The following GNB4 variants were observed in gnomAD, a reference collection of about 807,000 sequenced individuals.
GNB4 encodes the protein guanine nucleotide-binding protein subunit beta-4.
In GNB4, 28 loss-of-function variants were observed where a neutral mutation model predicts 45.2. The observed-to-expected ratio is 0.62, with a 90% CI of 0.46 to 0.85. GNB4 has a LOEUF of 0.85. Among genes scored for constraint, GNB4 ranks in the 40% least tolerant of loss-of-function variants. The pLI is 0.00. For missense variants in GNB4, 321 were observed against 425.4 expected (o/e 0.75, Z 2.16); for synonymous variants, 132 against 143.7 (o/e 0.92, Z 0.58).
chr3:179,489,046 A>ATATATATAT, the GNB4 span, among the ~76,000 whole-genome samples: 19 of 38,726 alleles, frequency 4.9e-4, 1 homozygote, highest in African/African-American at 1.7e-3. Flanking sequence ...ATATATATAT[A>ATATATATAT]ATATATATGT....
At chr3:179,422,505 T>C (rs1460512888) in intron 2 of GNB4, among the ~76,000 whole-genome samples, 2 of 149,858 alleles carry the variant, frequency 1.3e-5, no homozygotes, top group Non-Finnish European at 3.0e-5. Context: ...GAACAGAATA[T>C]AAAAAATATT....
rs1363653157 is a variant in GNB4, at chr3:179,398,782, G to A, written c.*2431C>T. On this transcript the variant is annotated 3_prime_UTR_variant, in exon 10 of 10. Transcript: ENST00000232564. ...AAGGTGTAACCATGAAGTAATTGTG[G>A]TAGTGAGGCTACTCTGTCGCCATTT... 1 of 152,186 alleles carries A rather than the reference G, an allele frequency of 6.6e-6. No homozygotes were observed. The highest frequency in any genetic ancestry group is 2.1e-4 in the South Asian group (1 of 4,828). 9.4% of individuals were successfully genotyped at this position (152,186 alleles called of 1,614,324 possible).
At chr3:179,444,176 T>A (rs549341899) in intron 1 of GNB4, among the ~76,000 whole-genome samples, 2 of 152,162 alleles carry the variant, frequency 1.3e-5, no homozygotes, top group African/African-American at 4.8e-5. Flanking sequence ...TACTAACCTA[T>A]CTCTATTTTC....
In GNB4 at chr3:179,405,641, A is replaced by G. The variant is rs76492501; in HGVS notation, c.700-235T>C. On this transcript the variant is annotated intron_variant, in intron 8 of 9. Transcript: ENST00000232564. ...ACAGCCCATTGTTCAGAACACAGCA[A>G]GTATTCAACAAATACTGGCTCTGGT... The G allele has an allele frequency of 5.7e-3, 2,362 of 415,926 alleles. 45 individuals are homozygous for G. The highest frequency in any genetic ancestry group is 0.043 in the African/African-American group (2,165 of 50,346). 25.8% of individuals were successfully genotyped at this position (415,926 alleles called of 1,614,324 possible).
the GNB4 span, among the ~76,000 whole-genome samples, chr3:179,501,668 A>T: frequency 3.2e-3 from 480 of 152,214 alleles, 2 homozygotes; most frequent in African/African-American, 0.011. Flanking sequence ...TTAAGGGGCA[A>T]CTGAAATTTA....
At chr3:179,415,426 C>T (rs916580501) in intron 5 of GNB4, among the ~76,000 whole-genome samples, 1 of 152,188 alleles carries the variant, frequency 6.6e-6, no homozygotes, top group Non-Finnish European at 1.5e-5. Flanking sequence ...TTTCCTCCAA[C>T]ATAACTCTGA....
At chr3:179,448,711 T>C (rs1715798957) in intron 1 of GNB4, among the ~76,000 whole-genome samples, 1 of 152,214 alleles carries the variant, frequency 6.6e-6, no homozygotes, top group Non-Finnish European at 1.5e-5. Context: ...AGGTAACTAA[T>C]TAGTTTCTGG....
At chr3:179,429,741 G>A (rs1405002478) in intron 1 of GNB4, among the ~76,000 whole-genome samples, 1 of 152,156 alleles carries the variant, frequency 6.6e-6, no homozygotes, top group East Asian at 1.9e-4. Flanking sequence ...AACATTGATT[G>A]AGAAAGTCAA....
At chr3:179,489,088 A>G in the GNB4 span, among the ~76,000 whole-genome samples, 7 of 136,634 alleles carry the variant, frequency 5.1e-5, no homozygotes, top group Non-Finnish European at 6.2e-5. Flanking sequence ...TTAATTTGAA[A>G]TTATTTATTT....
At chr3:179,488,984 C>CA in the GNB4 span, among the ~76,000 whole-genome samples, 10 of 18,698 alleles carry the variant, frequency 5.3e-4, 1 homozygote, top group Admixed American at 1.2e-3. Context: ...ATCCTGTATC[C>CA]AAAAAAAAAA....
chr3:179,474,737 C>CTTTTTTTTTTTTTTTTTTTTTT, the GNB4 span, among the ~76,000 whole-genome samples: 8 of 59,726 alleles, frequency 1.3e-4, no homozygotes, highest in Admixed American at 2.7e-4. Context: ...AGACTGGGTC[C>CTTTTTTTTTTTTTTTTTTTTTT]TTTTTTTTTT....
At chr3:179,516,088 T>C in the GNB4 span, among the ~76,000 whole-genome samples, 1 of 152,160 alleles carries the variant, frequency 6.6e-6, no homozygotes, top group African/African-American at 2.4e-5. Context: ...TCAGTGCAAT[T>C]ACTTGCTTGA....
In GNB4 at chr3:179,413,663, TCCTGCTACCAC is replaced by T. The variant is rs756637757; in HGVS notation, c.497+41_497+51del. 136 of 1,611,188 alleles carry T rather than the reference TCCTGCTACCAC, an allele frequency of 8.4e-5. No homozygotes were observed. The South Asian group carries it at 1.4e-3, about 17-fold the overall frequency. On this transcript the variant is annotated intron_variant, in intron 7 of 9. Coordinates refer to ENST00000232564, the MANE Select transcript of GNB4 (RefSeq NM_021629.4). The stretch of plus-strand genomic sequence containing the variant: ...GACAATTACTTCTTCTTATGTCAGT[TCCTGCTACCAC>T]CCTCAAACCCATAATCAGTGTGCTT...
At chr3:179,496,931 T>C in the GNB4 span, among the ~76,000 whole-genome samples, 2 of 152,136 alleles carry the variant, frequency 1.3e-5, no homozygotes, top group Non-Finnish European at 2.9e-5. Context: ...CATTCTATCA[T>C]ATGATAGAAA....
At chr3:179,423,981 G>A (rs972659537) in intron 2 of GNB4, among the ~76,000 whole-genome samples, 6 of 151,810 alleles carry the variant, frequency 4.0e-5, no homozygotes, top group Non-Finnish European at 5.9e-5. Flanking sequence ...AGCACAAGTC[G>A]CAGGAAAGGA....
chr3:179,420,131 T>C (rs555241926), intron 3 of GNB4, among the ~76,000 whole-genome samples: 1 of 150,534 alleles, frequency 6.6e-6, no homozygotes, highest in African/African-American at 2.4e-5. Context: ...CATAAATATA[T>C]ATAATTTTTT....
chr3:179,458,983 G>A, the GNB4 span, among the ~76,000 whole-genome samples: 4 of 152,124 alleles, frequency 2.6e-5, no homozygotes, highest in African/African-American at 4.8e-5. Flanking sequence ...CATTTATAGA[G>A]CATTTAGGAG....
chr3:179,525,380 A>G, the GNB4 span, among the ~76,000 whole-genome samples: 2 of 152,124 alleles, frequency 1.3e-5, no homozygotes, highest in Non-Finnish European at 2.9e-5. Context: ...AACACAGGCT[A>G]AGGGAGAAGA....
intron 9 of GNB4, among the ~76,000 whole-genome samples, chr3:179,403,353 A>G (rs1438337512): frequency 6.6e-6 from 1 of 150,458 alleles, no homozygotes; most frequent in Non-Finnish European, 1.5e-5. Context: ...AAGAAACTTA[A>G]AAAAAAAATT....
Sources: gnomAD v4.1 joint callset for allele counts (sites outside exome capture counted in the v4.1 genomes callset) on GRCh38, gnomAD v4.1.1 for gene constraint, MANE v1.5 for transcripts, NCBI Gene and HGNC (gene_info 2026-07-23, HGNC 2026-07-21) for gene names.